Variants in MGAT4C observed in about 807,000 individuals in gnomAD.
The protein encoded by MGAT4C is alpha-1,3-mannosyl-glycoprotein 4-beta-N-acetylglucosaminyltransferase C.
In MGAT4C, 19 loss-of-function variants were observed where a neutral mutation model predicts 40.1. The ratio of observed to expected loss-of-function variants is 0.47; its 90% CI spans 0.33 to 0.70. The LOEUF is 0.70. Among genes scored for constraint, MGAT4C ranks in the 30% least tolerant of loss-of-function variants. The pLI, the probability that MGAT4C is intolerant of heterozygous loss-of-function variation, is 0.02. For missense variants in MGAT4C, 491 were observed against 563.2 expected (o/e 0.87, Z 1.30); for synonymous variants, 181 against 187.1 (o/e 0.97, Z 0.27).
chr12:86,105,927 C>A (rs1876073906), intron 1 of MGAT4C, among the ~76,000 whole-genome samples: 1 of 152,100 alleles, frequency 6.6e-6, no homozygotes, highest in Non-Finnish European at 1.5e-5. Flanking sequence ...GAGTAAACTG[C>A]AGTGGGTTTG....
At chr12:86,771,444 A>G (rs1333148207) in intron 1 of MGAT4C, among the ~76,000 whole-genome samples, 1 of 152,140 alleles carries the variant, frequency 6.6e-6, no homozygotes, top group Non-Finnish European at 1.5e-5. Context: ...GGAAAGATTG[A>G]TGGTAGAAAT....
At chr12:86,163,462 G>C (rs1247367257) in intron 1 of MGAT4C, among the ~76,000 whole-genome samples, 1 of 152,116 alleles carries the variant, frequency 6.6e-6, no homozygotes, top group Non-Finnish European at 1.5e-5. Flanking sequence ...AAACTGCTGG[G>C]ATGATAGGAG....
chr12:86,663,783 CA>C (rs1449834762), intron 2 of MGAT4C, among the ~76,000 whole-genome samples: 1 of 152,082 alleles, frequency 6.6e-6, no homozygotes, highest in African/African-American at 2.4e-5. Context: ...TGGGGAAATA[CA>C]AGGTTTTTAG....
intron 2 of MGAT4C, among the ~76,000 whole-genome samples, chr12:86,443,585 T>TTG (rs1565766867): frequency 6.6e-6 from 1 of 152,050 alleles, no homozygotes; most frequent in Non-Finnish European, 1.5e-5. Context: ...CTGTTTTTTT[T>TTG]TTGTTGTTGT....
chr12:86,405,460 A>G (rs1021324918), intron 3 of MGAT4C, among the ~76,000 whole-genome samples: 3 of 152,028 alleles, frequency 2.0e-5, no homozygotes, highest in Non-Finnish European at 4.4e-5. Flanking sequence ...AAACTACACA[A>G]TACTGATAAA....
intron 1 of MGAT4C, among the ~76,000 whole-genome samples, chr12:86,063,875 T>C (rs1020495669): frequency 1.3e-5 from 2 of 152,230 alleles, no homozygotes; most frequent in African/African-American, 4.8e-5. Flanking sequence ...TATGCACCCG[T>C]GCAGGAGCAC....
intron 2 of MGAT4C, among the ~76,000 whole-genome samples, chr12:86,583,889 T>C (rs1337551659): frequency 2.0e-5 from 3 of 151,140 alleles, no homozygotes; most frequent in Non-Finnish European, 4.4e-5. Flanking sequence ...GGAAATCTTT[T>C]AAAAATTATT....
intron 1 of MGAT4C, among the ~76,000 whole-genome samples, chr12:86,051,276 G>A (rs944114880): frequency 6.6e-6 from 1 of 151,864 alleles, no homozygotes; most frequent in South Asian, 2.1e-4. Context: ...TATAATTCAG[G>A]ATACATTTTA....
intron 2 of MGAT4C, among the ~76,000 whole-genome samples, chr12:86,545,935 A>T (rs1959190635): frequency 6.6e-6 from 1 of 152,030 alleles, no homozygotes. Flanking sequence ...AACTGCTATT[A>T]TAAAACATTT....
chr12:86,798,269 T>G (rs1952166411), intron 1 of MGAT4C, among the ~76,000 whole-genome samples: 1 of 151,938 alleles, frequency 6.6e-6, no homozygotes, highest in Non-Finnish European at 1.5e-5. Context: ...TATTGTAAAA[T>G]TTTATTTATA....
intron 3 of MGAT4C, among the ~76,000 whole-genome samples, chr12:86,355,123 A>G (rs1955280265): frequency 6.6e-6 from 1 of 152,128 alleles, no homozygotes; most frequent in Non-Finnish European, 1.5e-5. Context: ...GGTGCATTTT[A>G]CAAACCTCTA....
At chr12:86,659,177 T>TC (rs1189905260) in intron 2 of MGAT4C, among the ~76,000 whole-genome samples, 1 of 152,102 alleles carries the variant, frequency 6.6e-6, no homozygotes, top group Admixed American at 6.6e-5. Context: ...CACTTTTTTT[T>TC]CACTTAACAT....
intron 1 of MGAT4C, among the ~76,000 whole-genome samples, chr12:86,094,617 C>T (rs566620073): frequency 1.4e-4 from 22 of 152,214 alleles, no homozygotes; most frequent in East Asian, 3.9e-4. Context: ...TAGGATTACA[C>T]GAAGCCTGCT....
chr12:86,795,399 C>T (rs961486495), intron 1 of MGAT4C, among the ~76,000 whole-genome samples: 3 of 151,910 alleles, frequency 2.0e-5, no homozygotes, highest in Non-Finnish European at 2.9e-5. Flanking sequence ...TATTGCCATT[C>T]CCAAATACCT....
chr12:86,013,814 C>T, intron 2 of MGAT4C: 2 of 863,528 alleles, frequency 2.3e-6, no homozygotes, highest in Non-Finnish European at 2.8e-6. Flanking sequence ...CTCCTACTCC[C>T]ATAAATATTA....
chr12:86,468,861 A>G (rs1957718746), intron 2 of MGAT4C, among the ~76,000 whole-genome samples: 1 of 152,120 alleles, frequency 6.6e-6, no homozygotes, highest in Non-Finnish European at 1.5e-5. Context: ...ATTCCCAATG[A>G]ACACTGTTGT....
intron 1 of MGAT4C, among the ~76,000 whole-genome samples, chr12:86,075,790 C>G (rs1869580690): frequency 6.6e-6 from 1 of 152,222 alleles, no homozygotes; most frequent in African/African-American, 2.4e-5. Flanking sequence ...GTGTTGCCCC[C>G]TTTCAGCCAC....
chr12:86,827,582 C>G (rs1173126539), intron 1 of MGAT4C, among the ~76,000 whole-genome samples: 1 of 151,212 alleles, frequency 6.6e-6, no homozygotes, highest in Non-Finnish European at 1.5e-5. Flanking sequence ...TAAAAGCAAA[C>G]AATGACACTT....
chr12:86,401,559 C>T (rs2136236876), intron 3 of MGAT4C, among the ~76,000 whole-genome samples: 1 of 152,128 alleles, frequency 6.6e-6, no homozygotes, highest in East Asian at 1.9e-4. Context: ...AAAAGATAAT[C>T]TATTCCTAAA....
Sources: allele counts gnomAD v4.1 joint callset (sites outside exome capture counted in the v4.1 genomes callset), GRCh38; gene constraint gnomAD v4.1.1; transcripts MANE v1.5; gene names NCBI Gene and HGNC (gene_info 2026-07-23, HGNC 2026-07-21).